The following ADAMTS3 variants were observed in gnomAD, a reference collection of about 807,000 sequenced individuals.
ADAMTS3 encodes A disintegrin and metalloproteinase with thrombospondin motifs 3.
Under a neutral mutation model 129.0 loss-of-function variants are expected in ADAMTS3, and 73 were observed. That is an observed-to-expected ratio of 0.57 (90% CI 0.47 to 0.69). The LOEUF (loss-of-function observed/expected upper bound fraction) is 0.69, where lower values mean the gene tolerates loss of function less well. Among genes scored for constraint, ADAMTS3 ranks in the 30% least tolerant of loss-of-function variants. The pLI is 0.00. For missense variants in ADAMTS3, 1,457 were observed against 1,514.5 expected, an observed-to-expected ratio of 0.96 and a Z score of 0.63; for synonymous variants, 477 against 510.8, an observed-to-expected ratio of 0.93 and a Z score of 0.89.
intron 2 of ADAMTS3, among the ~76,000 whole-genome samples, chr4:72,565,433 C>A (rs1184560143): frequency 6.6e-6 from 1 of 152,114 alleles, no homozygotes; most frequent in Non-Finnish European, 1.5e-5. Context: ...TGTAGCAGTG[C>A]CTTTACACAT....
At chr4:72,547,468 C>T (rs1721496197) in intron 3 of ADAMTS3, among the ~76,000 whole-genome samples, 1 of 152,144 alleles carries the variant, frequency 6.6e-6, no homozygotes, top group African/African-American at 2.4e-5. Flanking sequence ...ATTCTTCTGT[C>T]CTCTTTGATA....
At chr4:72,447,311 C>A (rs1477017811) in intron 3 of ADAMTS3, among the ~76,000 whole-genome samples, 1 of 151,646 alleles carries the variant, frequency 6.6e-6, no homozygotes, top group Non-Finnish European at 1.5e-5. Context: ...TGGGAGGAAC[C>A]CATTATTTCC....
At chr4:72,489,501 AATC>A (rs1719683112) in intron 3 of ADAMTS3, among the ~76,000 whole-genome samples, 1 of 151,944 alleles carries the variant, frequency 6.6e-6, no homozygotes, top group African/African-American at 2.4e-5. Context: ...CCCACTTGTT[AATC>A]ATCAACATCG....
chr4:72,450,529 C>T (rs527836639), intron 3 of ADAMTS3, among the ~76,000 whole-genome samples: 81 of 151,842 alleles, frequency 5.3e-4, no homozygotes, highest in Non-Finnish European at 9.4e-4. Context: ...GGTATTTTAC[C>T]ATGCCTGTGT....
chr4:72,484,171 G>A (rs958060446), intron 3 of ADAMTS3, among the ~76,000 whole-genome samples: 1 of 152,036 alleles, frequency 6.6e-6, no homozygotes, highest in African/African-American at 2.4e-5. Flanking sequence ...CCAGAAATGT[G>A]TAAAAAGGAA....
At chr4:72,505,893 A>G (rs1720148182) in intron 3 of ADAMTS3, among the ~76,000 whole-genome samples, 1 of 152,208 alleles carries the variant, frequency 6.6e-6, no homozygotes, top group African/African-American at 2.4e-5. Flanking sequence ...CAGGTGCTCC[A>G]AATGCTTGGA....
chr4:72,529,045 C>A (rs911635983), intron 3 of ADAMTS3, among the ~76,000 whole-genome samples: 1 of 152,032 alleles, frequency 6.6e-6, no homozygotes, highest in Admixed American at 6.6e-5. Context: ...TCAGGAAAAT[C>A]CTTTCTGAGG....
chr4:72,533,106 ATTATAC>A (rs1721086910), intron 3 of ADAMTS3, among the ~76,000 whole-genome samples: 1 of 152,164 alleles, frequency 6.6e-6, no homozygotes, highest in African/African-American at 2.4e-5. Flanking sequence ...TTATTTTATA[ATTATAC>A]TTAGCTTAAA....
chr4:72,332,794 G>C lies in ADAMTS3; in HGVS notation c.861+6700C>G, dbSNP rs561171519. On this transcript the variant is annotated intron_variant, in intron 5 of 21. Transcript: ENST00000286657. ...ATCAGCCTGTTAGAATCTTAAACTA[G>C]ATTGCTAACTAGTTTGATTCAATCA... 2.6e-5 allele frequency among the ~76,000 whole-genome samples: 4 copies of C among 152,264 alleles called. No individual in the cohort carries two copies. The South Asian group carries it at 8.3e-4, about 32-fold the overall frequency.
At chr4:72,308,741 G>A (rs2109793698) in intron 15 of ADAMTS3, among the ~76,000 whole-genome samples, 1 of 151,926 alleles carries the variant, frequency 6.6e-6, no homozygotes. Context: ...ATTATTTGAT[G>A]CATGAAGACA....
At chr4:72,551,915 G>A (rs146937024) in intron 2 of ADAMTS3, among the ~76,000 whole-genome samples, 5,225 of 152,176 alleles carry the variant, frequency 0.034, 161 homozygotes, top group Non-Finnish European at 0.046. Context: ...GAATTACAAT[G>A]TTCTACCTAC....
At chr4:72,449,394 CTATTCCTCACATCTCAAA>C (rs1414808528) in intron 3 of ADAMTS3, among the ~76,000 whole-genome samples, 1 of 151,732 alleles carries the variant, frequency 6.6e-6, no homozygotes, top group Non-Finnish European at 1.5e-5. Flanking sequence ...CCCATCAGTA[CTATTCCTCACATCTCAAA>C]TCCAGGCATT....
intron 4 of ADAMTS3, among the ~76,000 whole-genome samples, chr4:72,384,890 C>T (rs549437167): frequency 7.2e-5 from 11 of 152,002 alleles, no homozygotes; most frequent in African/African-American, 2.2e-4. Context: ...AAACTGGGGC[C>T]GGGTGTGGTG....
rs1339954468 is a variant in ADAMTS3, at chr4:72,471,698, AT to A, written c.505-56728del. 3.3e-5 allele frequency among the ~76,000 whole-genome samples: 5 copies of A among 152,008 alleles called. No homozygotes were observed. In the East Asian group the frequency reaches 9.7e-4, roughly 29 times the overall value. ...AAAAACAATGCCATCTTCCTCTTGAATTTTTTTGTTTTTGAAAATATAGCTA... is the reference window on the plus strand; with the variant it reads ...AAAAACAATGCCATCTTCCTCTTGAATTTTTTGTTTTTGAAAATATAGCTA... On this transcript the variant is annotated intron_variant, in intron 3 of 21. Transcript: ENST00000286657.
intron 4 of ADAMTS3, among the ~76,000 whole-genome samples, chr4:72,354,273 C>A (rs1720518564): frequency 6.6e-6 from 1 of 151,910 alleles, no homozygotes; most frequent in Non-Finnish European, 1.5e-5. Flanking sequence ...TCCTCCCAAC[C>A]CCTCTCCAGT....
chr4:72,422,085 A>G (rs1470539007), intron 3 of ADAMTS3, among the ~76,000 whole-genome samples: 2 of 152,186 alleles, frequency 1.3e-5, no homozygotes, highest in African/African-American at 2.4e-5. Context: ...CATTTAGTAC[A>G]TATGACAATG....
rs1718578658 is a variant in ADAMTS3, at chr4:72,288,793, T to G, written c.3007A>C (p.Lys1003Gln). Residue 1003 changes from lysine (K) to glutamine (Q), a missense_variant, in exon 21 of 22, where the codon AAG becomes CAG. Lys to Gln is a moderately conservative substitution (Grantham distance 53). Coordinates refer to ENST00000286657, the MANE Select transcript of ADAMTS3 (RefSeq NM_014243.3). Reference protein sequence around the residue: ...CRAGDHCDGEKPESVRACQLP... With the variant: ...CRAGDHCDGEQPESVRACQLP... ...TGACAGGCTCTGACCGACTCAGGCT[T>G]TTCACCATCACAGTGGTCCCCAGCC... 6.2e-7 allele frequency: 1 copy of G among 1,613,902 alleles called. No homozygotes were observed. The highest frequency in any genetic ancestry group is 8.5e-7 in the Non-Finnish European group (1 of 1,179,948).
At chr4:72,363,036 A>G (rs1720768804) in intron 4 of ADAMTS3, among the ~76,000 whole-genome samples, 1 of 152,150 alleles carries the variant, frequency 6.6e-6, no homozygotes, top group Non-Finnish European at 1.5e-5. Flanking sequence ...AGGATCCAAA[A>G]TGCAGCATGC....
chr4:72,543,042 T>C lies in ADAMTS3; in HGVS notation c.504+5436A>G, dbSNP rs115439971. On this transcript the variant is annotated intron_variant, in intron 3 of 21. Transcript: ENST00000286657. The stretch of plus-strand genomic sequence containing the variant: ...CTCAATTTCAAAATAGGATTTGCAG[T>C]ATAAATAAGCAAGTATTAAGAGGAA... 5.1e-3 allele frequency among the ~76,000 whole-genome samples: 772 copies of C among 152,322 alleles called. 2 individuals are homozygous for C. The highest frequency in any genetic ancestry group is 0.017 in the African/African-American group (725 of 41,572).
Sources: allele counts gnomAD v4.1 joint callset (sites outside exome capture counted in the v4.1 genomes callset), GRCh38; gene constraint gnomAD v4.1.1; transcripts MANE v1.5; gene names NCBI Gene and HGNC (gene_info 2026-07-23, HGNC 2026-07-21).